Variants in ABCA8 observed in about 807,000 individuals in gnomAD.
The protein encoded by ABCA8 is ABC-type organic anion transporter ABCA8.
A neutral mutation model predicts 192.3 loss-of-function variants in ABCA8; 177 were observed. The observed-to-expected ratio is 0.92, with a 90% CI of 0.81 to 1.04. The LOEUF is 1.04. ABCA8 is among the 50% of genes least tolerant of loss of function. The probability of loss-of-function intolerance (pLI) is 0.00; values close to 1 mark genes in which losing one functional copy is unlikely to be tolerated. For synonymous variants in ABCA8, 642 were observed against 690.2 expected, an observed-to-expected ratio of 0.93 and a Z score of 1.09; for missense variants, 1,915 against 1,904.8, an observed-to-expected ratio of 1.01 and a Z score of -0.10.
intron 21 of ABCA8, among the ~76,000 whole-genome samples, chr17:68,901,980 A>C (rs1194641502): frequency 6.6e-6 from 1 of 152,244 alleles, no homozygotes; most frequent in Non-Finnish European, 1.5e-5. Context: ...TGTTCAAACA[A>C]AAACTTGTAC....
At chr17:68,878,966 T>C (rs1473928842) in intron 32 of ABCA8, 2 of 152,256 alleles carry the variant, frequency 1.3e-5, no homozygotes, top group Non-Finnish European at 2.9e-5. Flanking sequence ...TTATATTCTG[T>C]TCTGTACTTC....
chr17:68,921,950 C>G (rs942611779), intron 12 of ABCA8, among the ~76,000 whole-genome samples: 3 of 151,766 alleles, frequency 2.0e-5, no homozygotes, highest in Non-Finnish European at 4.4e-5. Context: ...AAAAAAAACC[C>G]AGAATATCCT....
chr17:68,869,884 G>GATACGGC, intron 37 of ABCA8, 105 bp from the exon 38 acceptor site: 1 of 764,064 alleles, frequency 1.3e-6, no homozygotes. Context: ...AATGGTGTTA[G>GATACGGC]GAACATTTAA....
intron 33 of ABCA8, 28 bp downstream of exon 33, chr17:68,877,491 A>G: frequency 1.3e-6 from 2 of 1,596,158 alleles, no homozygotes; most frequent in Non-Finnish European, 8.5e-7. Flanking sequence ...TCCCTTGGGT[A>G]TAGAACAGAT....
At chr17:68,874,920 T>A (rs1269410897) in intron 37 of ABCA8, among the ~76,000 whole-genome samples, 1 of 152,214 alleles carries the variant, frequency 6.6e-6, no homozygotes, top group Non-Finnish European at 1.5e-5. Context: ...AATTTCCACT[T>A]CATAAAGATA....
chr17:68,917,563 G>A, intron 16 of ABCA8, 112 bp from the exon 17 acceptor site: 1 of 689,990 alleles, frequency 1.4e-6, no homozygotes, highest in Non-Finnish European at 2.4e-6. Context: ...GAGCTTCTAA[G>A]GTTTTAAATG....
chr17:68,887,509 A>C lies in ABCA8; in HGVS notation c.3145-3T>G. ...CGTAGCTGGGACCGAGCTCTGTTCT[A>C]ATTAGGAGACAGCAAAGATACAAAG... On this transcript the variant is annotated splice_region_variant and splice_polypyrimidine_tract_variant and intron_variant, in intron 24 of 39. Coordinates refer to ENST00000586539, the MANE Select transcript of ABCA8 (RefSeq NM_001288985.2). The C allele has an allele frequency of 6.3e-7, 1 of 1,592,156 alleles. No individual in the cohort carries two copies. The highest frequency in any genetic ancestry group is 8.5e-7 in the Non-Finnish European group (1 of 1,172,608).
At chr17:68,908,191 T>A (rs1407417540) in intron 17 of ABCA8, among the ~76,000 whole-genome samples, 1 of 152,014 alleles carries the variant, frequency 6.6e-6, no homozygotes, top group Non-Finnish European at 1.5e-5. Flanking sequence ...GGTCACAGAG[T>A]GGAAAATACC....
chr17:68,929,273 A>G (rs1411504223), intron 8 of ABCA8, 39 bp from the exon 9 acceptor site: 2 of 1,470,136 alleles, frequency 1.4e-6, no homozygotes, highest in South Asian at 1.5e-5. Flanking sequence ...ATGTTTCTCT[A>G]ACATTATTAC....
At chr17:68,882,078 C>A in intron 30 of ABCA8, 98 bp from the exon 31 acceptor site, 1 of 986,786 alleles carries the variant, frequency 1.0e-6, no homozygotes, top group South Asian at 1.4e-5. Context: ...TTTGTTGCCC[C>A]AGCCATGCAT....
At chr17:68,872,296 T>C (rs376725397) in intron 37 of ABCA8, among the ~76,000 whole-genome samples, 3 of 151,674 alleles carry the variant, frequency 2.0e-5, no homozygotes, top group Non-Finnish European at 2.9e-5. Flanking sequence ...ATGGATGAAA[T>C]TGGAAATCAT....
rs1354129676 is a variant in ABCA8, at chr17:68,887,093, A to G, written c.3353T>C (p.Phe1118Ser). ...GATGAAGGAAATCACGTATGTCATG[A>G]AGATGAGGGAAAAGGAATAACCAAC... The part of the protein sequence containing the change: ...CAVGYSFSLI[F>S]MTYVISFIFR... Residue 1118 changes from phenylalanine to serine, a missense_variant, in exon 26 of 40, where the codon TTC becomes TCC. Physicochemically the swap from Phe to Ser is radical, Grantham distance 155. Transcript: ENST00000586539. The G allele has an allele frequency of 1.2e-6, 2 of 1,612,274 alleles. No homozygotes were observed. The highest frequency in any genetic ancestry group is 2.7e-5 in the African/African-American group (2 of 74,842).
chr17:68,893,870 A>C (rs549223742), intron 23 of ABCA8, among the ~76,000 whole-genome samples: 1 of 139,620 alleles, frequency 7.2e-6, no homozygotes, highest in South Asian at 2.5e-4. Flanking sequence ...ATATCTCCCA[A>C]TGCTATCCCT....
At chr17:68,873,095 G>GTA (rs1405226140) in intron 37 of ABCA8, among the ~76,000 whole-genome samples, 2 of 152,154 alleles carry the variant, frequency 1.3e-5, no homozygotes, top group Non-Finnish European at 1.5e-5. Context: ...TCTCACCAAT[G>GTA]GTCGCCCAGA....
chr17:68,899,707 A>G (rs1264996737), intron 21 of ABCA8, among the ~76,000 whole-genome samples: 1 of 152,112 alleles, frequency 6.6e-6, no homozygotes, highest in Non-Finnish European at 1.5e-5. Flanking sequence ...AGGCAAGGAC[A>G]TCAAACAAGC....
chr17:68,937,450 G>A (rs922858811), intron 4 of ABCA8, among the ~76,000 whole-genome samples: 1 of 152,102 alleles, frequency 6.6e-6, no homozygotes, highest in South Asian at 2.1e-4. Flanking sequence ...AATATAGAGA[G>A]ATAGATATTT....
intron 17 of ABCA8, among the ~76,000 whole-genome samples, chr17:68,916,241 AATTAT>A (rs200997196): frequency 0.011 from 1,717 of 152,148 alleles, 67 homozygotes; most frequent in Admixed American, 0.072. Context: ...ATGTGAATAT[AATTAT>A]ATTATATTAC....
At position 68,885,182 on chromosome 17, in the gene ABCA8, G is replaced by C; in HGVS notation, c.3549+14C>G. 1 of 1,609,914 alleles carries C rather than the reference G, an allele frequency of 6.2e-7. No individual in the cohort carries two copies. The highest frequency in any genetic ancestry group is 8.5e-7 in the Non-Finnish European group (1 of 1,178,104). Reference sequence around the variant, plus strand: ...GAGTTTCAAGGGACTGGGACAGACTGTGTCATTACTTACATGAGAAGATAA... The same window carrying C: ...GAGTTTCAAGGGACTGGGACAGACTCTGTCATTACTTACATGAGAAGATAA... On this transcript the variant is annotated intron_variant, in intron 27 of 39. Transcript: ENST00000586539.
rs4148022 is a variant in ABCA8, at chr17:68,907,890, G to GAAAAAAA, written c.2139-18_2139-12dup. The GAAAAAAA allele has an allele frequency of 2.1e-6, 2 of 960,874 alleles. No homozygotes were observed. Among genetic ancestry groups the GAAAAAAA allele is most frequent in the Non-Finnish European group, 1.5e-6 (1 of 684,840 alleles). The allele number at this position is 960,874 out of a possible 1,614,324, so 59.5% of individuals were successfully genotyped here. On this transcript the variant is annotated splice_polypyrimidine_tract_variant and intron_variant, in intron 17 of 39. Transcript: ENST00000586539. ...TCATTTAACTGCAAGCTGGCATTCA[G>GAAAAAAA]AAAAAAAAAAAAAGACATATGTTAC...
Sources: gnomAD v4.1 joint callset for allele counts (sites outside exome capture counted in the v4.1 genomes callset) on GRCh38, gnomAD v4.1.1 for gene constraint, MANE v1.5 for transcripts, NCBI Gene and HGNC (gene_info 2026-07-23, HGNC 2026-07-21) for gene names.